Variants in EYA2 observed in about 807,000 individuals in gnomAD.
The protein encoded by EYA2 is protein phosphatase EYA2.
A neutral mutation model predicts 69.2 loss-of-function variants in EYA2; 31 were observed. That is an observed-to-expected ratio of 0.45 (90% CI 0.34 to 0.60). The LOEUF (loss-of-function observed/expected upper bound fraction) is 0.60, where lower values mean the gene tolerates loss of function less well. Among genes scored for constraint, EYA2 ranks in the 20% least tolerant of loss-of-function variants. EYA2 has a pLI of 0.02. For synonymous variants in EYA2, 257 were observed against 279.4 expected (o/e 0.92, Z 0.80); for missense variants, 622 against 701.2 (o/e 0.89, Z 1.28).
chr20:47,086,533 AG>A (rs34700233), intron 7 of EYA2, among the ~76,000 whole-genome samples: 41,654 of 151,874 alleles, frequency 0.27, 6,959 homozygotes, highest in Non-Finnish European at 0.36. Context: ...CAGGAAAAGG[AG>A]GGGGTCAGGG....
chr20:46,959,825 A>G (rs1012659502), intron 1 of EYA2, among the ~76,000 whole-genome samples: 6 of 151,874 alleles, frequency 4.0e-5, no homozygotes, highest in African/African-American at 1.5e-4. Context: ...CATCCCTGTC[A>G]TTGTCCTGCA....
intron 1 of EYA2, among the ~76,000 whole-genome samples, chr20:46,934,757 T>C (rs943904872): frequency 6.6e-6 from 1 of 152,082 alleles, no homozygotes; most frequent in African/African-American, 2.4e-5. Context: ...GAAGGGAATC[T>C]CTGGCAGAGA....
At chr20:47,184,749 C>G (rs918844758) in intron 15 of EYA2, among the ~76,000 whole-genome samples, 4 of 152,142 alleles carry the variant, frequency 2.6e-5, no homozygotes, top group African/African-American at 9.7e-5. Flanking sequence ...ATTTGAGACT[C>G]AGAAAGGTTA....
At chr20:47,065,290 C>T (rs1449938629) in intron 5 of EYA2, among the ~76,000 whole-genome samples, 3 of 152,194 alleles carry the variant, frequency 2.0e-5, no homozygotes, top group African/African-American at 7.2e-5. Flanking sequence ...CTCATTCTCA[C>T]TGTCATGAAG....
At chr20:46,903,026 A>G (rs144406675) in intron 1 of EYA2, among the ~76,000 whole-genome samples, 3 of 152,330 alleles carry the variant, frequency 2.0e-5, no homozygotes, top group East Asian at 3.9e-4. Flanking sequence ...GGTGCCTCCA[A>G]TGTGCTTGAC....
At chr20:47,083,634 GAC>G (rs994187777) in intron 7 of EYA2, among the ~76,000 whole-genome samples, 2 of 148,894 alleles carry the variant, frequency 1.3e-5, no homozygotes, top group Non-Finnish European at 3.0e-5. Context: ...TACCTCACAT[GAC>G]ACACAAAAAA....
chr20:46,942,176 G>A (rs1986182527), intron 1 of EYA2, among the ~76,000 whole-genome samples: 1 of 151,726 alleles, frequency 6.6e-6, no homozygotes, highest in Non-Finnish European at 1.5e-5. Flanking sequence ...GACAACCTAA[G>A]GAAAGATACC....
intron 1 of EYA2, among the ~76,000 whole-genome samples, chr20:46,910,272 G>A (rs1984578241): frequency 6.6e-6 from 1 of 152,104 alleles, no homozygotes; most frequent in Non-Finnish European, 1.5e-5. Flanking sequence ...TTACATGGTG[G>A]AGCAAGAGGA....
chr20:47,165,220 C>T (rs1225142479), intron 10 of EYA2, among the ~76,000 whole-genome samples: 2 of 152,184 alleles, frequency 1.3e-5, no homozygotes, highest in Non-Finnish European at 2.9e-5. Flanking sequence ...TATCATCGTG[C>T]TTGACTACTG....
intron 1 of EYA2, among the ~76,000 whole-genome samples, chr20:46,944,455 G>A (rs2146266407): frequency 6.6e-6 from 1 of 152,262 alleles, no homozygotes. Flanking sequence ...CAGTGAGGAG[G>A]AGGATGTGAG....
At chr20:46,969,373 G>A (rs1233755949) in intron 1 of EYA2, among the ~76,000 whole-genome samples, 6 of 152,074 alleles carry the variant, frequency 3.9e-5, no homozygotes, top group African/African-American at 1.4e-4. Flanking sequence ...ATGAGCCACC[G>A]TGCCCGGCCG....
At chr20:47,101,753 C>T (rs2146526142) in intron 9 of EYA2, among the ~76,000 whole-genome samples, 1 of 152,312 alleles carries the variant, frequency 6.6e-6, no homozygotes, top group South Asian at 2.1e-4. Context: ...TAGCTCTAAG[C>T]TTGGATGTCA....
At chr20:46,964,902 C>T (rs1206774) in intron 1 of EYA2, among the ~76,000 whole-genome samples, 1 of 152,154 alleles carries the variant, frequency 6.6e-6, no homozygotes, top group Admixed American at 6.5e-5. Context: ...TGAGTACTCT[C>T]GTGAGGATTT....
intron 1 of EYA2, among the ~76,000 whole-genome samples, chr20:46,942,398 G>A (rs561735030): frequency 6.6e-6 from 1 of 152,200 alleles, no homozygotes; most frequent in South Asian, 2.1e-4. Flanking sequence ...TGTAAAGACA[G>A]GGTATTGCTG....
chr20:46,939,181 G>A (rs1420771135), intron 1 of EYA2, among the ~76,000 whole-genome samples: 1 of 152,152 alleles, frequency 6.6e-6, no homozygotes, highest in Non-Finnish European at 1.5e-5. Flanking sequence ...GACAGCGATT[G>A]GTTCAGGGAT....
chr20:47,053,621 C>T (rs1380175171), intron 5 of EYA2, among the ~76,000 whole-genome samples: 3 of 142,504 alleles, frequency 2.1e-5, no homozygotes, highest in Non-Finnish European at 4.5e-5. Context: ...GAGCTGAGAT[C>T]ATGCCACTGC....
intron 5 of EYA2, among the ~76,000 whole-genome samples, chr20:47,068,054 GAATT>G (rs1484123034): frequency 6.6e-6 from 1 of 152,152 alleles, no homozygotes; most frequent in African/African-American, 2.4e-5. Context: ...ATGAATAAAA[GAATT>G]AATCTTAGCT....
In EYA2 at chr20:47,016,238, A is replaced by C; in HGVS notation, c.356A>C (p.Tyr119Ser). 1.2e-6 allele frequency: 2 copies of C among 1,614,140 alleles called. No individual in the cohort carries two copies. Among genetic ancestry groups the C allele is most frequent in the Non-Finnish European group, 1.7e-6 (2 of 1,180,026 alleles). The stretch of plus-strand genomic sequence containing the variant: ...CCTGGCCAGAGTGGATTCCTCAGCT[A>C]TGGCTCCAGCTTCAGCACCTCACCC... ...HSPGQSGFLS[Y>S]GSSFSTSPTG... Residue 119 changes from tyrosine (Y) to serine (S), a missense_variant, in exon 5 of 16, where the codon TAT (tyrosine) becomes TCT (serine). Physicochemically the swap from Tyr to Ser is moderately radical, Grantham distance 144 (BLOSUM62 -2). This residue lies in a region of EYA2 where 365 missense variants were observed against 349.7 expected (regional missense o/e 1.04). Coordinates refer to ENST00000327619, the MANE Select transcript of EYA2 (RefSeq NM_005244.5).
intron 8 of EYA2, among the ~76,000 whole-genome samples, chr20:47,094,983 T>C (rs550614912): frequency 6.6e-6 from 1 of 152,036 alleles, no homozygotes; most frequent in Admixed American, 6.6e-5. Context: ...CAGTGAGTGA[T>C]GATTACGCCA....
Sources: allele counts gnomAD v4.1 joint callset (sites outside exome capture counted in the v4.1 genomes callset), GRCh38; gene constraint gnomAD v4.1.1; regional missense constraint gnomAD v4.1.1; transcripts MANE v1.5; gene names NCBI Gene and HGNC (gene_info 2026-07-23, HGNC 2026-07-21).